The following BIRC6 variants were observed in gnomAD, a reference collection of about 807,000 sequenced individuals.
The protein encoded by BIRC6 is dual E2 ubiquitin-conjugating enzyme/E3 ubiquitin-protein ligase BIRC6.
A neutral mutation model predicts 503.3 loss-of-function variants in BIRC6; 98 were observed. That is an observed-to-expected ratio of 0.19 (90% CI 0.17 to 0.23). The LOEUF is 0.23. Among genes scored for constraint, BIRC6 ranks in the 10% least tolerant of loss-of-function variants. The probability of loss-of-function intolerance (pLI) is 1.00; values close to 1 mark genes in which losing one functional copy is unlikely to be tolerated. For synonymous variants in BIRC6, 2,240 were observed against 2,078.7 expected, an observed-to-expected ratio of 1.08 and a Z score of -2.11; for missense variants, 5,360 against 5,806.0, an observed-to-expected ratio of 0.92 and a Z score of 2.50.
intron 57 of BIRC6, chr2:32,521,967 T>C (rs529695012): frequency 8.5e-5 from 13 of 152,302 alleles, no homozygotes; most frequent in South Asian, 2.1e-4. Flanking sequence ...CGAAATATTT[T>C]GGCAATTATT....
chr2:32,379,954 C>T (rs1039534618), intron 2 of BIRC6, among the ~76,000 whole-genome samples, 199 bp from the exon 3 acceptor site: 3 of 152,092 alleles, frequency 2.0e-5, no homozygotes, highest in Non-Finnish European at 2.9e-5. Flanking sequence ...ACACTGAATA[C>T]ATTGCTTTAT....
At chr2:32,392,015 T>C (rs1055480813) in intron 4 of BIRC6, 24 bp from the exon 5 acceptor site, 2 of 1,420,340 alleles carry the variant, frequency 1.4e-6, no homozygotes, top group Admixed American at 4.6e-5. Context: ...TAACTTCAAT[T>C]ACATAAAGTA....
chr2:32,491,778 A>G (rs1369186979), intron 44 of BIRC6, among the ~76,000 whole-genome samples: 1 of 152,218 alleles, frequency 6.6e-6, no homozygotes, highest in Non-Finnish European at 1.5e-5. Context: ...AGGTTTTCAT[A>G]TAGATACATA....
chr2:32,578,436 T>A (rs1384990288), intron 66 of BIRC6, among the ~76,000 whole-genome samples: 2 of 152,164 alleles, frequency 1.3e-5, no homozygotes, highest in South Asian at 4.1e-4. Flanking sequence ...ATGTGTTCTG[T>A]TAATGTATCA....
intron 23 of BIRC6, among the ~76,000 whole-genome samples, chr2:32,455,367 A>T (rs1302889947): frequency 6.9e-6 from 1 of 145,136 alleles, no homozygotes; most frequent in Non-Finnish European, 1.5e-5. Context: ...GCAAACAGCA[A>T]GACTCTGTCT....
intron 66 of BIRC6, among the ~76,000 whole-genome samples, chr2:32,589,025 A>T (rs2061239439): frequency 6.6e-6 from 1 of 152,210 alleles, no homozygotes; most frequent in South Asian, 2.1e-4. Context: ...TCCTTCAAGC[A>T]GGAACAAAGC....
At chr2:32,514,254 G>T (rs2054772388) in intron 54 of BIRC6, among the ~76,000 whole-genome samples, 1 of 152,064 alleles carries the variant, frequency 6.6e-6, no homozygotes, top group Non-Finnish European at 1.5e-5. Flanking sequence ...CCAGGAGTTA[G>T]AGCCCACACT....
At chr2:32,385,529 A>G (rs2038306455) in intron 3 of BIRC6, among the ~76,000 whole-genome samples, 1 of 152,208 alleles carries the variant, frequency 6.6e-6, no homozygotes, top group African/African-American at 2.4e-5. Context: ...GCTGTTTTTC[A>G]AAAGGAGAAT....
chr2:32,474,967 T>A (rs1408730982), intron 33 of BIRC6, among the ~76,000 whole-genome samples: 1 of 151,904 alleles, frequency 6.6e-6, no homozygotes, highest in Admixed American at 6.6e-5. Context: ...GGGCTCACTT[T>A]GGGAGGTTGA....
At chr2:32,595,256 A>AT in intron 68 of BIRC6, 112 bp downstream of exon 68, 1 of 637,908 alleles carries the variant, frequency 1.6e-6, no homozygotes, top group Non-Finnish European at 2.7e-6. Context: ...TGTAACATGA[A>AT]TTTTACTTCA....
intron 55 of BIRC6, among the ~76,000 whole-genome samples, chr2:32,517,382 T>C (rs531670527): frequency 1.7e-3 from 262 of 152,226 alleles, no homozygotes; most frequent in Non-Finnish European, 2.4e-3. Flanking sequence ...GAGAAAGATA[T>C]TTAACTGCCT....
chr2:32,510,645 A>G lies in BIRC6; in HGVS notation c.10346+11A>G. 1.3e-6 allele frequency: 2 copies of G among 1,521,736 alleles called. No homozygotes were observed. Among genetic ancestry groups the G allele is most frequent in the Non-Finnish European group, 1.8e-6 (2 of 1,098,418 alleles). 94.3% of individuals were successfully genotyped at this position (1,521,736 alleles called of 1,614,324 possible). On this transcript the variant is annotated intron_variant, in intron 53 of 73. Transcript: ENST00000421745. ...TGGTACAAAAGACAGGTACGATTTT[A>G]TTTTTCATTTAATTAAGCACACACA...
intron 59 of BIRC6, 77 bp downstream of exon 59, chr2:32,525,705 A>G: frequency 7.0e-7 from 1 of 1,418,622 alleles, no homozygotes; most frequent in Admixed American, 2.2e-5. Context: ...CACAGTCACC[A>G]AAATCATTTT....
Position 32,422,203 on chromosome 2 carries a change from A to G in BIRC6, c.2872+6040A>G, listed in dbSNP as rs555644680. The stretch of plus-strand genomic sequence containing the variant: ...AATCTGAAGTGGGTCTCTTAGATGC[A>G]TATAATTAGGTCTTGCTTTTTTATA... On this transcript the variant is annotated intron_variant, in intron 10 of 73. Coordinates refer to ENST00000421745, the MANE Select transcript of BIRC6 (RefSeq NM_016252.4). Among the ~76,000 whole-genome samples the G allele has an allele frequency of 3.9e-5, 6 of 152,110 alleles. No homozygotes were observed. The East Asian group carries it at 5.8e-4, about 15-fold the overall frequency.
At chr2:32,371,041 T>A (rs886539113) in intron 1 of BIRC6, among the ~76,000 whole-genome samples, 1 of 151,992 alleles carries the variant, frequency 6.6e-6, no homozygotes, top group East Asian at 1.9e-4. Context: ...GGCAAAACCC[T>A]GTCTCTACAA....
intron 10 of BIRC6, 63 bp downstream of exon 10, chr2:32,416,226 T>G: frequency 6.9e-7 from 1 of 1,441,858 alleles, no homozygotes; most frequent in Non-Finnish European, 9.3e-7. Context: ...TTTGTTTATG[T>G]GCAAACCTAG....
intron 8 of BIRC6, among the ~76,000 whole-genome samples, chr2:32,404,168 G>A (rs769442581): frequency 1.3e-5 from 2 of 151,918 alleles, no homozygotes; most frequent in Non-Finnish European, 2.9e-5. Context: ...GACCTCAGAT[G>A]ATCCACCTGC....
chr2:32,451,373 G>A (rs1312122329), intron 22 of BIRC6, among the ~76,000 whole-genome samples: 1 of 151,994 alleles, frequency 6.6e-6, no homozygotes, highest in Non-Finnish European at 1.5e-5. Flanking sequence ...ATCATTAAGG[G>A]GATCTATATG....
At chr2:32,413,038 C>T (rs1367947634) in intron 9 of BIRC6, among the ~76,000 whole-genome samples, 1 of 150,686 alleles carries the variant, frequency 6.6e-6, no homozygotes, top group Non-Finnish European at 1.5e-5. Context: ...GACAGTCTCA[C>T]TCTTGTTGCC....
Sources: gnomAD v4.1 joint callset for allele counts (sites outside exome capture counted in the v4.1 genomes callset) on GRCh38, gnomAD v4.1.1 for gene constraint, MANE v1.5 for transcripts, NCBI Gene and HGNC (gene_info 2026-07-23, HGNC 2026-07-21) for gene names.